The following UBR3 variants were observed in gnomAD, a reference collection of about 807,000 sequenced individuals.
UBR3 encodes E3 ubiquitin-protein ligase UBR3.
In UBR3, 85 loss-of-function variants were observed where a neutral mutation model predicts 243.2. That is an observed-to-expected ratio of 0.35 (90% CI 0.29 to 0.42). The LOEUF is 0.42. UBR3 is among the 10% of genes least tolerant of loss of function. The pLI is 1.00. For synonymous variants in UBR3, 748 were observed against 799.8 expected (o/e 0.94, Z 1.09); for missense variants, 1,686 against 2,300.8 (o/e 0.73, Z 5.47).
intron 1 of UBR3, among the ~76,000 whole-genome samples, chr2:169,842,503 A>G (rs923689395): frequency 6.6e-6 from 1 of 152,086 alleles, no homozygotes; most frequent in African/African-American, 2.4e-5. Flanking sequence ...TCTTTGCAAT[A>G]AATCTTGCTA....
chr2:170,073,608 G>C lies in UBR3; in HGVS notation c.5199+1G>C, dbSNP rs2091745534. The C allele has an allele frequency of 6.2e-7, 1 of 1,612,380 alleles. No homozygotes were observed. Among genetic ancestry groups the C allele is most frequent in the Non-Finnish European group, 8.5e-7 (1 of 1,179,206 alleles). On this transcript the variant is annotated splice_donor_variant, in intron 36 of 38. Coordinates refer to ENST00000272793, the MANE Select transcript of UBR3 (RefSeq NM_172070.4). LOFTEE classifies it high-confidence loss of function. ...TGAAAGACATGCAGAACAAGGAAAG[G>C]TATGTTAAAAGAGTTGTACTAGCTT...
chr2:170,048,807 AG>A (rs1425615246), intron 32 of UBR3, among the ~76,000 whole-genome samples: 3 of 152,238 alleles, frequency 2.0e-5, no homozygotes, highest in Non-Finnish European at 4.4e-5. Flanking sequence ...GGTAAGAATG[AG>A]TCTTCTATCC....
intron 10 of UBR3, among the ~76,000 whole-genome samples, chr2:169,908,973 G>A (rs2085134614): frequency 6.6e-6 from 1 of 151,940 alleles, no homozygotes; most frequent in Non-Finnish European, 1.5e-5. Flanking sequence ...ACAGGTGCCC[G>A]CCACCAAGCC....
At position 169,856,299 on chromosome 2, in the gene UBR3, A is replaced by C. The variant is rs573967337; in HGVS notation, c.546-15937A>C. 1.7e-4 allele frequency among the ~76,000 whole-genome samples: 25 copies of C among 150,224 alleles called. No individual in the cohort carries two copies. The East Asian group carries it at 4.7e-3, about 29-fold the overall frequency. On this transcript the variant is annotated intron_variant, in intron 1 of 38. Coordinates refer to ENST00000272793, the MANE Select transcript of UBR3 (RefSeq NM_172070.4). ...GGGCAGCCGGGCAGAGACGCTCCTCACTTCCTAGACGGGATGATGGCCGGG... is the reference window on the plus strand; with the variant it reads ...GGGCAGCCGGGCAGAGACGCTCCTCCCTTCCTAGACGGGATGATGGCCGGG...
chr2:169,886,519 C>T (rs61092225), intron 5 of UBR3, among the ~76,000 whole-genome samples: 6,116 of 152,196 alleles, frequency 0.04, 181 homozygotes, highest in East Asian at 0.11. Context: ...CCAGATGACA[C>T]TTTTAAATAT....
chr2:169,853,764 T>TTTA (rs1273054220), intron 1 of UBR3, among the ~76,000 whole-genome samples: 1 of 143,596 alleles, frequency 7.0e-6, no homozygotes, highest in African/African-American at 2.5e-5. Context: ...TTTTTCTTTA[T>TTTA]AAAGGGACTT....
In UBR3 at chr2:170,082,699, G is replaced by C. The variant is rs1252493648; in HGVS notation, c.*856G>C. ...ATGCCCACCTTTTATTACCAAACAA[G>C]GTTTTGTTTATATGATTGTATTAGA... On this transcript the variant is annotated 3_prime_UTR_variant, in exon 39 of 39. Coordinates refer to ENST00000272793, the MANE Select transcript of UBR3 (RefSeq NM_172070.4). The C allele has an allele frequency of 1.3e-5, 2 of 152,378 alleles. No homozygotes were observed. The highest frequency in any genetic ancestry group is 4.8e-5 in the African/African-American group (2 of 41,416). The allele number at this position is 152,378 out of a possible 1,614,324, so 9.4% of individuals were successfully genotyped here.
chr2:169,938,467 T>C (rs948757106), intron 19 of UBR3, among the ~76,000 whole-genome samples: 13 of 152,046 alleles, frequency 8.6e-5, no homozygotes, highest in African/African-American at 2.9e-4. Flanking sequence ...CTACATGTGT[T>C]GCCCAGGCTG....
intron 1 of UBR3, among the ~76,000 whole-genome samples, chr2:169,865,086 G>A (rs973839757): frequency 6.6e-5 from 10 of 150,934 alleles, no homozygotes; most frequent in East Asian, 1.9e-4. Context: ...ACTCCGTCTC[G>A]AAAAAAAAAT....
At chr2:169,987,838 C>T (rs1014898491) in intron 25 of UBR3, among the ~76,000 whole-genome samples, 1 of 152,010 alleles carries the variant, frequency 6.6e-6, no homozygotes, top group South Asian at 2.1e-4. Context: ...ATTAGAAACT[C>T]CCCTGAATTC....
chr2:169,927,181 G>A (rs1239078688), intron 16 of UBR3, 139 bp from the exon 17 acceptor site: 7 of 982,936 alleles, frequency 7.1e-6, no homozygotes, highest in Admixed American at 5.5e-5. Flanking sequence ...CTGCAGTTAT[G>A]TTTGGAGCAT....
At position 170,079,736 on chromosome 2, in the gene UBR3, A is replaced by G. The variant is rs963297889; in HGVS notation, c.5200-78A>G. 10 of 1,323,968 alleles carry G rather than the reference A, an allele frequency of 7.6e-6. 1 individual carries two copies. In the Admixed American group the frequency reaches 2.4e-4, roughly 32 times the overall value. The allele number at this position is 1,323,968 out of a possible 1,614,324, so 82.0% of individuals were successfully genotyped here. On this transcript the variant is annotated intron_variant, in intron 36 of 38. Coordinates refer to ENST00000272793, the MANE Select transcript of UBR3 (RefSeq NM_172070.4). ...CTTGGAGGCAGATTTTTCTTTCTGTAAAAATACATTTAAAAAATATATTGT... is the reference window on the plus strand; with the variant it reads ...CTTGGAGGCAGATTTTTCTTTCTGTGAAAATACATTTAAAAAATATATTGT...
chr2:170,064,167 G>A (rs2105448998), intron 35 of UBR3, among the ~76,000 whole-genome samples: 1 of 152,094 alleles, frequency 6.6e-6, no homozygotes, highest in Middle Eastern at 3.4e-3. Context: ...TCTGTTCCTA[G>A]TCTGGCCCTT....
At chr2:169,845,582 T>C (rs532618339) in intron 1 of UBR3, among the ~76,000 whole-genome samples, 19 of 151,322 alleles carry the variant, frequency 1.3e-4, no homozygotes, top group African/African-American at 4.6e-4. Flanking sequence ...TTCTTCTTTC[T>C]TCTTCTTTTT....
At chr2:169,898,924 A>G (rs2105329475) in intron 8 of UBR3, among the ~76,000 whole-genome samples, 1 of 151,512 alleles carries the variant, frequency 6.6e-6, no homozygotes, top group Non-Finnish European at 1.5e-5. Context: ...GATGGTCTCG[A>G]TATCCTAACC....
At chr2:169,922,839 C>T (rs1172109901) in intron 11 of UBR3, among the ~76,000 whole-genome samples, 1 of 152,006 alleles carries the variant, frequency 6.6e-6, no homozygotes, top group African/African-American at 2.4e-5. Context: ...ATAGCCTTTA[C>T]ATATTGAAGA....
At chr2:169,923,571 G>A (rs185560236) in intron 11 of UBR3, among the ~76,000 whole-genome samples, 55 of 152,124 alleles carry the variant, frequency 3.6e-4, no homozygotes, top group Admixed American at 2.6e-3. Context: ...GTATACATGC[G>A]TTTGAAGAGT....
In UBR3 at chr2:169,932,910, A is replaced by T. The variant is rs1300925339; in HGVS notation, c.2567-2A>T. 1 of 1,544,358 alleles carries T rather than the reference A, an allele frequency of 6.5e-7. No homozygotes were observed. The highest frequency in any genetic ancestry group is 8.7e-7 in the Non-Finnish European group (1 of 1,144,790). On this transcript the variant is annotated splice_acceptor_variant, in intron 18 of 38. Transcript: ENST00000272793. LOFTEE classifies it high-confidence loss of function. ...ATGTTTCTACTTTCTTTTGAATAAT[A>T]GCTGAAGTCTGGGATCAAGAGTTTG...
At chr2:169,905,777 A>G (rs1196529670) in intron 9 of UBR3, among the ~76,000 whole-genome samples, 3 of 152,222 alleles carry the variant, frequency 2.0e-5, no homozygotes, top group Non-Finnish European at 4.4e-5. Context: ...AATTTTTTTG[A>G]CTTTCTTATC....
Sources: allele counts gnomAD v4.1 joint callset (sites outside exome capture counted in the v4.1 genomes callset), GRCh38; gene constraint gnomAD v4.1.1; transcripts MANE v1.5; gene names NCBI Gene and HGNC (gene_info 2026-07-23, HGNC 2026-07-21).